Variants in ZMYM2 observed in about 807,000 individuals in gnomAD.
The protein encoded by ZMYM2 is zinc finger MYM-type protein 2.
Under a neutral mutation model 162.8 loss-of-function variants are expected in ZMYM2, and 56 were observed. That is an observed-to-expected ratio of 0.34 (90% confidence interval 0.28 to 0.43). The LOEUF (loss-of-function observed/expected upper bound fraction) is 0.43, where lower values mean the gene tolerates loss of function less well. ZMYM2 is among the 20% of genes least tolerant of loss of function. The pLI is 1.00. For synonymous variants in ZMYM2, 510 were observed against 541.6 expected, an observed-to-expected ratio of 0.94 and a Z score of 0.81; for missense variants, 1,275 against 1,621.8, an observed-to-expected ratio of 0.79 and a Z score of 3.67.
At chr13:19,896,325 G>A in the ZMYM2 span, among the ~76,000 whole-genome samples, 1 of 151,238 alleles carries the variant, frequency 6.6e-6, no homozygotes, top group Non-Finnish European at 1.5e-5. Context: ...TGTATTTTTA[G>A]TAGAGACGGG....
chr13:20,078,130 T>A (rs529365835), intron 21 of ZMYM2, among the ~76,000 whole-genome samples: 3 of 152,262 alleles, frequency 2.0e-5, no homozygotes, highest in Admixed American at 1.3e-4. Context: ...GTTTTAAGTA[T>A]TTTTAAAGAT....
intron 14 of ZMYM2, among the ~76,000 whole-genome samples, chr13:20,053,830 T>C (rs1427248828): frequency 6.6e-6 from 1 of 152,188 alleles, no homozygotes; most frequent in Non-Finnish European, 1.5e-5. Flanking sequence ...CCCCCCCTTA[T>C]GGAAATAACA....
intron 10 of ZMYM2, 37 bp downstream of exon 10, chr13:20,031,472 A>T: frequency 7.7e-7 from 1 of 1,306,006 alleles, no homozygotes; most frequent in Non-Finnish European, 1.1e-6. Context: ...ATCTAATGCT[A>T]AAAAGAAAGT....
intron 24 of ZMYM2, among the ~76,000 whole-genome samples, chr13:20,084,831 A>C (rs1958150426): frequency 6.6e-6 from 1 of 152,216 alleles, no homozygotes; most frequent in African/African-American, 2.4e-5. Flanking sequence ...ACAAATTTAT[A>C]AATCACAGGT....
chr13:20,015,323 CTG>C (rs1401653137), intron 6 of ZMYM2, among the ~76,000 whole-genome samples: 2 of 152,156 alleles, frequency 1.3e-5, no homozygotes, highest in Non-Finnish European at 2.9e-5. Context: ...GAAAGATACT[CTG>C]TGTGATTTCA....
the ZMYM2 span, among the ~76,000 whole-genome samples, chr13:19,934,230 A>G: frequency 6.6e-6 from 1 of 152,034 alleles, no homozygotes; most frequent in Non-Finnish European, 1.5e-5. Context: ...GTGTGATCTC[A>G]GCTCACTGCA....
chr13:19,877,035 A>ACCC, the ZMYM2 span, among the ~76,000 whole-genome samples: 1 of 151,874 alleles, frequency 6.6e-6, no homozygotes, highest in African/African-American at 2.4e-5. Context: ...CCATGGTGAA[A>ACCC]CCCCGTCTCT....
At chr13:19,942,539 CAAAAA>C in the ZMYM2 span, among the ~76,000 whole-genome samples, 1 of 57,312 alleles carries the variant, frequency 1.7e-5, no homozygotes, top group Non-Finnish European at 3.7e-5. Context: ...ACCGTCTCTA[CAAAAA>C]AAAAAAAAAA....
At chr13:19,884,703 C>A in the ZMYM2 span, among the ~76,000 whole-genome samples, 6 of 152,216 alleles carry the variant, frequency 3.9e-5, no homozygotes, top group African/African-American at 1.4e-4. Context: ...TTCCTTGCGG[C>A]GGATTCCTGG....
At chr13:20,014,211 C>T (rs1020557891) in intron 6 of ZMYM2, among the ~76,000 whole-genome samples, 12 of 152,008 alleles carry the variant, frequency 7.9e-5, no homozygotes, top group African/African-American at 2.9e-4. Flanking sequence ...GTAGCTGGGA[C>T]TACAGGCGCC....
At chr13:19,949,962 A>G in the ZMYM2 span, among the ~76,000 whole-genome samples, 2 of 151,636 alleles carry the variant, frequency 1.3e-5, no homozygotes, top group Non-Finnish European at 2.9e-5. Context: ...GGAAGGAAAG[A>G]AAGAAGAGAA....
chr13:19,899,976 C>T, the ZMYM2 span, among the ~76,000 whole-genome samples: 1 of 151,696 alleles, frequency 6.6e-6, no homozygotes, highest in African/African-American at 2.4e-5. Context: ...AAGGAGAGGA[C>T]ATTACAGCCA....
At chr13:19,885,886 T>C in the ZMYM2 span, among the ~76,000 whole-genome samples, 1 of 112,142 alleles carries the variant, frequency 8.9e-6, no homozygotes, top group Non-Finnish European at 1.9e-5. Flanking sequence ...TATACACATA[T>C]ATATGTGTAT....
chr13:20,018,758 G>A (rs1229632302), intron 6 of ZMYM2, among the ~76,000 whole-genome samples: 1 of 152,054 alleles, frequency 6.6e-6, no homozygotes, highest in African/African-American at 2.4e-5. Context: ...ATTATATGCT[G>A]GAAACTGTCA....
chr13:19,877,269 G>A, the ZMYM2 span, among the ~76,000 whole-genome samples: 1 of 151,770 alleles, frequency 6.6e-6, no homozygotes, highest in Non-Finnish European at 1.5e-5. Context: ...AAGCTGAGAA[G>A]TTGAAGGGGC....
chr13:20,061,369 T>TC, intron 17 of ZMYM2, 145 bp downstream of exon 17: 3 of 692,186 alleles, frequency 4.3e-6, no homozygotes, highest in South Asian at 5.9e-5. Flanking sequence ...TTTTTTATAT[T>TC]AAGAGATCTA....
the ZMYM2 span, among the ~76,000 whole-genome samples, chr13:19,895,035 C>G: frequency 4.9e-5 from 7 of 143,328 alleles, no homozygotes; most frequent in Non-Finnish European, 1.0e-4. Context: ...CGAGATCTTG[C>G]CACTTCACTC....
Position 20,087,704 on chromosome 13 carries a change from A to G in ZMYM2, c.*1690A>G. On this transcript the variant is annotated 3_prime_UTR_variant, in exon 25 of 25. Coordinates refer to ENST00000610343, the MANE Select transcript of ZMYM2 (RefSeq NM_197968.4). ...ATGTTCTAACTTGTTTTATAAGTTG[A>G]ATGACTTTTCAGTCCCTTGATTTTA... 1 of 186,308 alleles carries G rather than the reference A, an allele frequency of 5.4e-6. No individual in the cohort carries two copies. Among genetic ancestry groups the G allele is most frequent in the Non-Finnish European group, 1.1e-5 (1 of 88,068 alleles). 11.5% of individuals were successfully genotyped at this position (186,308 alleles called of 1,614,324 possible).
At chr13:20,027,706 G>A (rs985885491) in intron 9 of ZMYM2, among the ~76,000 whole-genome samples, 1 of 152,128 alleles carries the variant, frequency 6.6e-6, no homozygotes, top group African/African-American at 2.4e-5. Flanking sequence ...TTCTTCATAT[G>A]TTAGAAATGG....
Sources: allele counts gnomAD v4.1 joint callset (sites outside exome capture counted in the v4.1 genomes callset), GRCh38; gene constraint gnomAD v4.1.1; transcripts MANE v1.5; gene names NCBI Gene and HGNC (gene_info 2026-07-23, HGNC 2026-07-21).